The following MSRB3 variants were observed in gnomAD, a reference collection of about 807,000 sequenced individuals.
MSRB3 encodes the protein methionine-R-sulfoxide reductase B3.
A neutral mutation model predicts 21.0 loss-of-function variants in MSRB3; 13 were observed. The observed-to-expected ratio is 0.62, with a 90% CI of 0.40 to 0.98. The LOEUF (loss-of-function observed/expected upper bound fraction) is 0.98. MSRB3 is among the 50% of genes least tolerant of loss of function. The pLI, the probability that MSRB3 is intolerant of heterozygous loss-of-function variation, is 0.00. For synonymous variants in MSRB3, 87 were observed against 88.6 expected (o/e 0.98, Z 0.10); for missense variants, 199 against 230.3 (o/e 0.86, Z 0.88).
intron 1 of MSRB3, among the ~76,000 whole-genome samples, chr12:65,295,253 T>C (rs1481226641): frequency 6.6e-6 from 1 of 152,238 alleles, no homozygotes; most frequent in East Asian, 1.9e-4. Flanking sequence ...AAAAATGCAG[T>C]AGCATTTGAC....
chr12:65,339,078 A>AAAAAAT (rs1460273281), intron 4 of MSRB3, among the ~76,000 whole-genome samples: 2 of 152,322 alleles, frequency 1.3e-5, no homozygotes, highest in South Asian at 2.1e-4. Context: ...TTCTGTCTCA[A>AAAAAAT]AAAAATAAAA....
intron 5 of MSRB3, among the ~76,000 whole-genome samples, chr12:65,444,734 T>G (rs980351396): frequency 5.3e-5 from 8 of 152,186 alleles, no homozygotes; most frequent in African/African-American, 1.9e-4. Flanking sequence ...AGGTCTTACT[T>G]AACTTGTCCT....
chr12:65,456,568 C>A (rs1400775439), intron 6 of MSRB3, among the ~76,000 whole-genome samples: 1 of 152,202 alleles, frequency 6.6e-6, no homozygotes. Flanking sequence ...TCAGTTAAAG[C>A]CCAAGGTGAC....
intron 5 of MSRB3, among the ~76,000 whole-genome samples, chr12:65,374,175 T>A (rs1878471421): frequency 6.6e-6 from 1 of 152,184 alleles, no homozygotes; most frequent in Admixed American, 6.5e-5. Context: ...ATTTCTTCAT[T>A]TTAAATTTCT....
At chr12:65,338,453 A>G (rs1875927886) in intron 4 of MSRB3, among the ~76,000 whole-genome samples, 1 of 152,206 alleles carries the variant, frequency 6.6e-6, no homozygotes, top group South Asian at 2.1e-4. Context: ...GATGCTTGTT[A>G]CAACAATAGC....
At chr12:65,406,830 A>G (rs903511318) in intron 5 of MSRB3, among the ~76,000 whole-genome samples, 2 of 152,162 alleles carry the variant, frequency 1.3e-5, no homozygotes, top group African/African-American at 4.8e-5. Flanking sequence ...GCCTTATACA[A>G]GAATTAGAGG....
intron 6 of MSRB3, among the ~76,000 whole-genome samples, chr12:65,460,450 G>A (rs1366628193): frequency 6.6e-6 from 1 of 152,196 alleles, no homozygotes; most frequent in African/African-American, 2.4e-5. Flanking sequence ...GCGTGGTTAG[G>A]CTTCCCTCAG....
intron 1 of MSRB3, among the ~76,000 whole-genome samples, chr12:65,302,748 C>T (rs951492828): frequency 3.9e-5 from 6 of 152,092 alleles, no homozygotes; most frequent in South Asian, 2.1e-4. Context: ...ACTCAACAAA[C>T]GCCAGTTGAG....
intron 4 of MSRB3, among the ~76,000 whole-genome samples, chr12:65,364,204 G>A (rs1444295259): frequency 2.6e-5 from 4 of 152,150 alleles, no homozygotes; most frequent in Non-Finnish European, 4.4e-5. Context: ...TAACTCAGAT[G>A]TTATCACCTC....
At chr12:65,380,498 C>A (rs1036716014) in intron 5 of MSRB3, among the ~76,000 whole-genome samples, 1 of 152,016 alleles carries the variant, frequency 6.6e-6, no homozygotes, top group Non-Finnish European at 1.5e-5. Flanking sequence ...TTGCTTGAAC[C>A]CGGGAGGTGG....
At chr12:65,359,249 C>T (rs1002749448) in intron 4 of MSRB3, among the ~76,000 whole-genome samples, 2 of 151,910 alleles carry the variant, frequency 1.3e-5, no homozygotes, top group Non-Finnish European at 2.9e-5. Flanking sequence ...CATTTATGTC[C>T]TCAGAGGCTA....
chr12:65,288,869 T>A (rs1446584523), intron 1 of MSRB3, among the ~76,000 whole-genome samples: 7 of 152,236 alleles, frequency 4.6e-5, no homozygotes, highest in African/African-American at 1.7e-4. Context: ...TTGATGATTT[T>A]AAAAAGTATC....
intron 5 of MSRB3, among the ~76,000 whole-genome samples, chr12:65,437,695 C>G (rs937651941): frequency 6.6e-5 from 10 of 150,876 alleles, no homozygotes; most frequent in African/African-American, 2.4e-4. Context: ...ATACTCATCC[C>G]TTTTGCCAGG....
At chr12:65,357,711 T>C (rs1877468551) in intron 4 of MSRB3, among the ~76,000 whole-genome samples, 1 of 151,990 alleles carries the variant, frequency 6.6e-6, no homozygotes, top group African/African-American at 2.4e-5. Context: ...TGAGGAGTCA[T>C]GATCAGGCAT....
At chr12:65,338,022 C>A (rs1304344616) in intron 4 of MSRB3, among the ~76,000 whole-genome samples, 1 of 152,144 alleles carries the variant, frequency 6.6e-6, no homozygotes, top group Non-Finnish European at 1.5e-5. Context: ...TTTTGCAAAT[C>A]CTAGGTACTT....
chr12:65,374,611 T>C (rs1485542954), intron 5 of MSRB3, among the ~76,000 whole-genome samples: 3 of 152,224 alleles, frequency 2.0e-5, no homozygotes, highest in African/African-American at 7.2e-5. Context: ...CATGCTGTTT[T>C]CCACAGACTT....
chr12:65,281,070 TA>T (rs983581710), intron 1 of MSRB3, among the ~76,000 whole-genome samples: 12 of 151,372 alleles, frequency 7.9e-5, no homozygotes, highest in African/African-American at 1.9e-4. Flanking sequence ...CTACAAAAAT[TA>T]AAAAAAAATT....
intron 2 of MSRB3, among the ~76,000 whole-genome samples, chr12:65,321,239 C>G (rs1874642524): frequency 6.6e-6 from 1 of 152,086 alleles, no homozygotes; most frequent in Non-Finnish European, 1.5e-5. Context: ...GATCTAAGTA[C>G]TTAGATCTAT....
At chr12:65,421,166 G>A (rs1881273695) in intron 5 of MSRB3, among the ~76,000 whole-genome samples, 1 of 152,106 alleles carries the variant, frequency 6.6e-6, no homozygotes. Flanking sequence ...TCTGACTCAT[G>A]TGAGGTGGTA....
Sources: gnomAD v4.1 joint callset for allele counts (sites outside exome capture counted in the v4.1 genomes callset) on GRCh38, gnomAD v4.1.1 for gene constraint, MANE v1.5 for transcripts, NCBI Gene and HGNC (gene_info 2026-07-23, HGNC 2026-07-21) for gene names.